The following CLSTN2 variants were observed in gnomAD, a reference collection of about 807,000 sequenced individuals.
CLSTN2 encodes calsyntenin-2.
In CLSTN2, 48 loss-of-function variants were observed where a neutral mutation model predicts 101.2. The ratio of observed to expected loss-of-function variants is 0.47; its 90% CI spans 0.38 to 0.60. The LOEUF is 0.60. Ranked by LOEUF, CLSTN2 falls within the 20% of genes least tolerant of loss-of-function variation. CLSTN2 has a pLI of 0.00. For synonymous variants in CLSTN2, 481 were observed against 463.6 expected, an observed-to-expected ratio of 1.04 and a Z score of -0.48; for missense variants, 1,160 against 1,238.2, an observed-to-expected ratio of 0.94 and a Z score of 0.95.
intron 8 of CLSTN2, among the ~76,000 whole-genome samples, chr3:140,520,546 A>G (rs905689973): frequency 2.6e-5 from 4 of 152,138 alleles, no homozygotes; most frequent in Non-Finnish European, 5.9e-5. Flanking sequence ...TGATCCAATT[A>G]CCTCCACCTG....
intron 4 of CLSTN2, among the ~76,000 whole-genome samples, chr3:140,419,482 CAAA>C (rs1169762724): frequency 1.0e-4 from 2 of 19,984 alleles, no homozygotes. Context: ...GACTCTGTCT[CAAA>C]AAAAAAAAAA....
chr3:140,156,694 G>C (rs1217127051), intron 1 of CLSTN2, among the ~76,000 whole-genome samples: 1 of 152,196 alleles, frequency 6.6e-6, no homozygotes, highest in Non-Finnish European at 1.5e-5. Context: ...AGTTGACTTT[G>C]ACTTGAGGAC....
intron 2 of CLSTN2, among the ~76,000 whole-genome samples, chr3:140,316,123 A>G (rs1486018009): frequency 6.6e-6 from 1 of 152,156 alleles, no homozygotes; most frequent in African/African-American, 2.4e-5. Flanking sequence ...AGGTACTGTG[A>G]TAAATGAAAC....
intron 1 of CLSTN2, among the ~76,000 whole-genome samples, chr3:140,065,215 C>G (rs142962285): frequency 6.6e-6 from 1 of 152,220 alleles, no homozygotes; most frequent in Non-Finnish European, 1.5e-5. Context: ...CCTGCAAGGG[C>G]AGGTGTGTGG....
At chr3:140,095,990 A>G (rs918041764) in intron 1 of CLSTN2, among the ~76,000 whole-genome samples, 2 of 152,200 alleles carry the variant, frequency 1.3e-5, no homozygotes, top group Admixed American at 6.5e-5. Flanking sequence ...TAGGAGATAA[A>G]GCACAATGGG....
intron 1 of CLSTN2, among the ~76,000 whole-genome samples, chr3:140,150,706 A>G (rs1282921995): frequency 5.9e-5 from 9 of 152,146 alleles, no homozygotes; most frequent in Non-Finnish European, 1.0e-4. Flanking sequence ...ATTGGGCTGT[A>G]TCACAGCTCC....
chr3:140,258,837 G>T (rs1419777170), intron 2 of CLSTN2, among the ~76,000 whole-genome samples: 1 of 151,996 alleles, frequency 6.6e-6, no homozygotes, highest in African/African-American at 2.4e-5. Flanking sequence ...CTGATGACAG[G>T]GTGTACTTAA....
chr3:139,980,744 G>T (rs1935900211), intron 1 of CLSTN2, among the ~76,000 whole-genome samples: 1 of 152,134 alleles, frequency 6.6e-6, no homozygotes, highest in Admixed American at 6.6e-5. Flanking sequence ...GCCACCACAA[G>T]TAGGCACTTG....
intron 2 of CLSTN2, among the ~76,000 whole-genome samples, chr3:140,305,200 A>G (rs2087101073): frequency 6.6e-6 from 1 of 152,050 alleles, no homozygotes; most frequent in Non-Finnish European, 1.5e-5. Flanking sequence ...AGCTGTCACC[A>G]CACAAGACAG....
intron 1 of CLSTN2, among the ~76,000 whole-genome samples, chr3:140,121,648 T>C (rs2350505): frequency 0.73 from 111,125 of 152,078 alleles, 40,763 homozygotes; most frequent in East Asian, 0.81. Flanking sequence ...TCCTCACCTC[T>C]TCCAAGTCCT....
intron 2 of CLSTN2, among the ~76,000 whole-genome samples, chr3:140,316,791 G>A (rs1326699956): frequency 6.6e-6 from 1 of 152,180 alleles, no homozygotes; most frequent in Non-Finnish European, 1.5e-5. Context: ...ATCTGTCACT[G>A]TGTTTGTGAA....
intron 2 of CLSTN2, among the ~76,000 whole-genome samples, chr3:140,325,153 C>T (rs912125784): frequency 6.6e-6 from 1 of 152,194 alleles, no homozygotes; most frequent in Non-Finnish European, 1.5e-5. Flanking sequence ...CCACATCAGC[C>T]TCCCAAAGTG....
intron 12 of CLSTN2, among the ~76,000 whole-genome samples, chr3:140,561,055 T>A (rs1233269165): frequency 2.0e-5 from 3 of 151,852 alleles, no homozygotes; most frequent in African/African-American, 7.2e-5. Flanking sequence ...ACTTAAAAGA[T>A]AATTATTTAA....
intron 1 of CLSTN2, among the ~76,000 whole-genome samples, chr3:139,955,835 G>A (rs984461567): frequency 3.9e-5 from 6 of 152,182 alleles, no homozygotes; most frequent in Non-Finnish European, 5.9e-5. Flanking sequence ...TCACAGCCCC[G>A]GAGGTGGGCA....
intron 2 of CLSTN2, among the ~76,000 whole-genome samples, chr3:140,267,316 T>C (rs1436882840): frequency 6.6e-6 from 1 of 152,148 alleles, no homozygotes; most frequent in Non-Finnish European, 1.5e-5. Flanking sequence ...AAATGAGATT[T>C]TGGAGCAAGC....
intron 1 of CLSTN2, among the ~76,000 whole-genome samples, chr3:140,021,749 T>C (rs944166038): frequency 6.6e-6 from 1 of 152,186 alleles, no homozygotes; most frequent in African/African-American, 2.4e-5. Context: ...AAGAGATCAA[T>C]TTCTTTGGGG....
intron 8 of CLSTN2, among the ~76,000 whole-genome samples, chr3:140,496,062 C>A (rs1340086919): frequency 2.0e-5 from 3 of 152,164 alleles, no homozygotes; most frequent in Non-Finnish European, 4.4e-5. Flanking sequence ...GGCAGTGTGA[C>A]CATTTTCACA....
At chr3:140,471,244 C>A (rs1933840639) in intron 8 of CLSTN2, among the ~76,000 whole-genome samples, 1 of 152,210 alleles carries the variant, frequency 6.6e-6, no homozygotes, top group Non-Finnish European at 1.5e-5. Context: ...GACTAACTTG[C>A]AGCCCCTCCT....
intron 2 of CLSTN2, among the ~76,000 whole-genome samples, chr3:140,272,587 T>TA (rs1455881740): frequency 4.6e-5 from 7 of 152,056 alleles, no homozygotes; most frequent in Middle Eastern, 3.4e-3. Context: ...CTGTCTGTAC[T>TA]AAAAAAATGC....
Sources: gnomAD v4.1 joint callset for allele counts (sites outside exome capture counted in the v4.1 genomes callset) on GRCh38, gnomAD v4.1.1 for gene constraint, MANE v1.5 for transcripts, NCBI Gene and HGNC (gene_info 2026-07-23, HGNC 2026-07-21) for gene names.